Variants in MLLT3 observed in about 807,000 individuals in gnomAD.
MLLT3 encodes the protein protein AF-9.
MLLT3 carries 4 observed loss-of-function variants against 53.2 expected under a neutral mutation model. The observed-to-expected ratio is 0.08, with a 90% CI of 0.04 to 0.17. The LOEUF is 0.17. Ranked by LOEUF, MLLT3 falls within the 10% of genes least tolerant of loss-of-function variation. The probability of loss-of-function intolerance (pLI) is 1.00; values close to 1 mark genes in which losing one functional copy is unlikely to be tolerated. For synonymous variants in MLLT3, 283 were observed against 230.6 expected (o/e 1.23, Z -2.06); for missense variants, 569 against 684.0 (o/e 0.83, Z 1.87).
intron 2 of MLLT3, among the ~76,000 whole-genome samples, chr9:20,526,924 A>T (rs1818218000): frequency 6.6e-6 from 1 of 152,144 alleles, no homozygotes; most frequent in South Asian, 2.1e-4. Flanking sequence ...TATTGTATAT[A>T]TTGGACACTT....
chr9:20,418,981 C>A (rs1373120766), intron 4 of MLLT3, among the ~76,000 whole-genome samples: 1 of 152,132 alleles, frequency 6.6e-6, no homozygotes, highest in African/African-American at 2.4e-5. Context: ...CTGTACCTTT[C>A]ATCACTTATA....
At chr9:20,434,747 A>G (rs1360637022) in intron 4 of MLLT3, among the ~76,000 whole-genome samples, 1 of 152,194 alleles carries the variant, frequency 6.6e-6, no homozygotes, top group Admixed American at 6.5e-5. Context: ...TTGTTCTTCT[A>G]TCTATATCAC....
At chr9:20,489,124 A>G (rs1476077016) in intron 2 of MLLT3, among the ~76,000 whole-genome samples, 4 of 152,224 alleles carry the variant, frequency 2.6e-5, no homozygotes, top group Non-Finnish European at 4.4e-5. Flanking sequence ...AAGTATATTA[A>G]ACAAATTCCT....
chr9:20,609,166 T>C (rs1261408818), intron 2 of MLLT3, among the ~76,000 whole-genome samples: 2 of 152,078 alleles, frequency 1.3e-5, no homozygotes, highest in Non-Finnish European at 2.9e-5. Context: ...TTATCGGCTC[T>C]AGTCAATTGC....
At chr9:20,434,779 A>C (rs180868758) in intron 4 of MLLT3, among the ~76,000 whole-genome samples, 53 of 152,326 alleles carry the variant, frequency 3.5e-4, no homozygotes, top group Non-Finnish European at 1.0e-4. Context: ...GAGCAAACAA[A>C]AAACAAGCAT....
intron 5 of MLLT3, among the ~76,000 whole-genome samples, chr9:20,388,036 A>G (rs1822084990): frequency 6.6e-6 from 1 of 152,312 alleles, no homozygotes; most frequent in East Asian, 1.9e-4. Flanking sequence ...TTTATGGCCA[A>G]TTTGATGTTT....
In MLLT3 at chr9:20,462,621, A is replaced by G. The variant is rs1355434987; in HGVS notation, c.194-5835T>C. On this transcript the variant is annotated intron_variant, in intron 2 of 10. Transcript: ENST00000380338. Reference sequence around the variant, plus strand: ...TCTGGAGAGCCTTCTGCCAATACTCAAAACAAAAAATGGTCATTTCTCTCT... The same window carrying G: ...TCTGGAGAGCCTTCTGCCAATACTCGAAACAAAAAATGGTCATTTCTCTCT... Among the ~76,000 whole-genome samples, 6 of 152,058 alleles carry G rather than the reference A, an allele frequency of 3.9e-5. No individual in the cohort carries two copies. In the East Asian group the frequency reaches 1.2e-3, roughly 29 times the overall value.
intron 5 of MLLT3, among the ~76,000 whole-genome samples, chr9:20,399,115 C>G (rs913806296): frequency 6.6e-6 from 1 of 152,088 alleles, no homozygotes; most frequent in African/African-American, 2.4e-5. Flanking sequence ...GGCTTACACC[C>G]TGTACTGTGT....
intron 2 of MLLT3, among the ~76,000 whole-genome samples, chr9:20,588,403 A>C (rs571075439): frequency 3.1e-4 from 47 of 151,734 alleles, no homozygotes; most frequent in African/African-American, 1.1e-3. Flanking sequence ...CTTGATGGGG[A>C]TGGCATTGAA....
At chr9:20,529,825 C>T (rs1818287186) in intron 2 of MLLT3, among the ~76,000 whole-genome samples, 1 of 149,462 alleles carries the variant, frequency 6.7e-6, no homozygotes, top group African/African-American at 2.5e-5. Flanking sequence ...CTGCCTTGGC[C>T]TCCCAAAGCT....
At chr9:20,526,227 C>T (rs866325555) in intron 2 of MLLT3, among the ~76,000 whole-genome samples, 48 of 152,188 alleles carry the variant, frequency 3.2e-4, no homozygotes, top group African/African-American at 1.1e-3. Context: ...CAGAAAAGTG[C>T]AATGATAATA....
At chr9:20,352,369 T>C (rs1821049207) in intron 10 of MLLT3, among the ~76,000 whole-genome samples, 1 of 152,204 alleles carries the variant, frequency 6.6e-6, no homozygotes, top group Admixed American at 6.5e-5. Context: ...CAATCAGCAT[T>C]ATGCCAGCCC....
intron 8 of MLLT3, among the ~76,000 whole-genome samples, chr9:20,357,181 G>A (rs1367146967): frequency 6.6e-6 from 1 of 152,198 alleles, no homozygotes; most frequent in Non-Finnish European, 1.5e-5. Context: ...CAGGCTGATA[G>A]GTGATTTATG....
intron 10 of MLLT3, among the ~76,000 whole-genome samples, chr9:20,347,976 T>C (rs1462431816): frequency 1.3e-5 from 2 of 152,350 alleles, no homozygotes; most frequent in East Asian, 3.9e-4. Flanking sequence ...CTACTCCCTA[T>C]AGGTCAGTGG....
chr9:20,391,119 G>A (rs942992561), intron 5 of MLLT3, among the ~76,000 whole-genome samples: 4 of 152,114 alleles, frequency 2.6e-5, no homozygotes, highest in Non-Finnish European at 2.9e-5. Context: ...TTTGGACAAC[G>A]GTTTGCTAGG....
intron 2 of MLLT3, among the ~76,000 whole-genome samples, chr9:20,616,201 T>C (rs1379449951): frequency 1.3e-5 from 2 of 152,204 alleles, no homozygotes; most frequent in East Asian, 1.9e-4. Context: ...ATTTCCATAA[T>C]GCAAATGAGA....
intron 2 of MLLT3, among the ~76,000 whole-genome samples, chr9:20,468,810 C>T (rs1011567614): frequency 3.9e-5 from 6 of 152,132 alleles, no homozygotes. Flanking sequence ...AAAGCAAATG[C>T]ATTTTTTCAT....
rs759636305 is a variant in MLLT3 at position 20,550,545 on chromosome 9, C to T, written c.193+70109G>A. Among the ~76,000 whole-genome samples, 115 of 152,026 alleles carry T rather than the reference C, an allele frequency of 7.6e-4. 2 individuals carry two copies. Among genetic ancestry groups the T allele is most frequent in the Non-Finnish European group, 1.3e-4 (9 of 68,014 alleles). On this transcript the variant is annotated intron_variant, in intron 2 of 10. Transcript: ENST00000380338. ...TCCCAGACTCAAGTGATCCTCCCAC[C>T]CCACGAGTAACTGGGACCACAAGCA...
Position 20,542,175 on chromosome 9 carries a change from A to G in MLLT3, c.193+78479T>C, listed in dbSNP as rs1375595508. Among the ~76,000 whole-genome samples the G allele has an allele frequency of 2.0e-5, 3 of 151,964 alleles. No individual in the cohort carries two copies. In the East Asian group the frequency reaches 5.8e-4, roughly 29 times the overall value. On this transcript the variant is annotated intron_variant, in intron 2 of 10. Transcript: ENST00000380338. The stretch of plus-strand genomic sequence containing the variant: ...GTTGCCAGGCAAGAAAATAGTATCA[A>G]TCTCCTCATACATTCCCATCACAGC...
Sources: gnomAD v4.1 joint callset for allele counts (sites outside exome capture counted in the v4.1 genomes callset) on GRCh38, gnomAD v4.1.1 for gene constraint, MANE v1.5 for transcripts, NCBI Gene and HGNC (gene_info 2026-07-23, HGNC 2026-07-21) for gene names.